Variants in COX7B2 observed in about 807,000 individuals in gnomAD.
The protein encoded by COX7B2 is cytochrome c oxidase subunit 7B2, mitochondrial.
For missense variants in COX7B2, 109 were observed against 95.9 expected, an observed-to-expected ratio of 1.14 and a Z score of -0.57; for synonymous variants, 37 against 32.1, an observed-to-expected ratio of 1.15 and a Z score of -0.51.
At chr4:46,856,081 T>C (rs1048674332) in intron 1 of COX7B2, among the ~76,000 whole-genome samples, 3 of 151,926 alleles carry the variant, frequency 2.0e-5, no homozygotes, top group Non-Finnish European at 2.9e-5. Flanking sequence ...CCGTCTCTAC[T>C]AGAAATACAA....
chr4:46,803,025 G>T lies in COX7B2; in HGVS notation c.-50+41935C>A, dbSNP rs116832089. ...GATCCTGAATGACTATAAGGAAGTA[G>T]ATTCCATAAACCTCCTTAGCAACCA... On this transcript the variant is annotated intron_variant, in intron 2 of 2. Transcript: ENST00000355591. 1.9e-3 allele frequency among the ~76,000 whole-genome samples: 282 copies of T among 152,274 alleles called. 6 individuals carry two copies. The highest frequency in any genetic ancestry group is 6.5e-3 in the African/African-American group (271 of 41,576).
chr4:46,891,659 A>C (rs1162107822), intron 1 of COX7B2, among the ~76,000 whole-genome samples: 1 of 152,198 alleles, frequency 6.6e-6, no homozygotes, highest in African/African-American at 2.4e-5. Context: ...CAGTGAATTC[A>C]GTGTCATCCC....
chr4:46,735,018 T>C lies in COX7B2; in HGVS notation c.175A>G (p.Thr59Ala). 1.2e-6 allele frequency: 2 copies of C among 1,614,062 alleles called. No individual in the cohort carries two copies. The highest frequency in any genetic ancestry group is 8.5e-7 in the Non-Finnish European group (1 of 1,179,958). The change falls in exon 3 of 3, where the codon ACT (threonine) becomes GCT (alanine). Residue 59 changes from threonine to alanine, a missense_variant. Transcript: ENST00000355591. ...AGGTTCCATTCTATTCCAATCTGAG[T>C]GGCTGTAAACACCCATGTAGCAACA... ...FCVATWVFTA[T>A]QIGIEWNLSP...
chr4:46,773,242 C>A (rs1716976378), intron 2 of COX7B2, among the ~76,000 whole-genome samples: 1 of 151,980 alleles, frequency 6.6e-6, no homozygotes, highest in South Asian at 2.1e-4. Context: ...TCCCATAATC[C>A]CCACATGTCA....
chr4:46,806,518 T>C (rs1719003015), intron 2 of COX7B2, among the ~76,000 whole-genome samples: 1 of 152,082 alleles, frequency 6.6e-6, no homozygotes. Flanking sequence ...CCATTTCATA[T>C]AGTTACTCAA....
At chr4:46,858,326 C>A (rs1483545995) in intron 1 of COX7B2, among the ~76,000 whole-genome samples, 1 of 152,074 alleles carries the variant, frequency 6.6e-6, no homozygotes, top group Non-Finnish European at 1.5e-5. Context: ...AAACTCCTTC[C>A]CTCAAGTGAT....
At chr4:46,838,390 A>C (rs1247456653) in intron 2 of COX7B2, among the ~76,000 whole-genome samples, 1 of 152,094 alleles carries the variant, frequency 6.6e-6, no homozygotes, top group African/African-American at 2.4e-5. Context: ...AATCACTCTC[A>C]GTAAAATTAG....
At chr4:46,906,332 T>C (rs1415652442) in intron 1 of COX7B2, among the ~76,000 whole-genome samples, 1 of 152,162 alleles carries the variant, frequency 6.6e-6, no homozygotes, top group Non-Finnish European at 1.5e-5. Flanking sequence ...AGAGAACTAA[T>C]TCCTTTTCCA....
intron 1 of COX7B2, chr4:46,876,723 A>T (rs1718365552): frequency 6.6e-6 from 1 of 152,134 alleles, no homozygotes; most frequent in Non-Finnish European, 1.5e-5. Flanking sequence ...TTGTCTTAAG[A>T]AAGCTTTTCA....
At chr4:46,735,910 A>G (rs1714334535) in intron 2 of COX7B2, among the ~76,000 whole-genome samples, 1 of 152,144 alleles carries the variant, frequency 6.6e-6, no homozygotes, top group Admixed American at 6.5e-5. Context: ...AGCAGAAGAC[A>G]TTGAGAGTTC....
chr4:46,895,032 G>A (rs575765914), intron 1 of COX7B2, among the ~76,000 whole-genome samples: 17 of 152,242 alleles, frequency 1.1e-4, no homozygotes, highest in African/African-American at 3.4e-4. Context: ...CCAAGCAACC[G>A]TTGGTGGTGG....
intron 2 of COX7B2, among the ~76,000 whole-genome samples, chr4:46,833,060 G>A (rs997014996): frequency 6.6e-6 from 1 of 151,910 alleles, no homozygotes; most frequent in Non-Finnish European, 1.5e-5. Context: ...CATGTACCAC[G>A]GTGCCCGGCT....
intron 2 of COX7B2, among the ~76,000 whole-genome samples, chr4:46,823,064 AAGGGCCTACAGATAT>A (rs1308147877): frequency 1.3e-5 from 2 of 152,064 alleles, no homozygotes; most frequent in African/African-American, 4.8e-5. Context: ...TGAATCCCCC[AAGGGCCTACAGATAT>A]AGGTGTGTTC....
At chr4:46,846,679 G>A (rs1332778269) in intron 1 of COX7B2, among the ~76,000 whole-genome samples, 5 of 152,000 alleles carry the variant, frequency 3.3e-5, no homozygotes, top group African/African-American at 1.2e-4. Context: ...AGTAGTAGAA[G>A]AGGCTAGAGA....
intron 2 of COX7B2, among the ~76,000 whole-genome samples, chr4:46,803,851 T>C (rs965520284): frequency 3.3e-5 from 5 of 152,046 alleles, no homozygotes; most frequent in African/African-American, 1.2e-4. Flanking sequence ...AATGAAGCTT[T>C]CTAGAGCAAT....
chr4:46,757,438 C>T (rs1487754029), intron 2 of COX7B2, among the ~76,000 whole-genome samples: 1 of 152,082 alleles, frequency 6.6e-6, no homozygotes, highest in Admixed American at 6.6e-5. Flanking sequence ...GAAACCTGCA[C>T]TTGTACCCCT....
rs532152098 is a variant in COX7B2 at position 46,782,726 on chromosome 4, G to A, written c.-49-47485C>T. Among the ~76,000 whole-genome samples the A allele has an allele frequency of 1.2e-3, 183 of 152,288 alleles. 1 individual carries two copies. The highest frequency in any genetic ancestry group is 4.1e-3 in the African/African-American group (172 of 41,546). On this transcript the variant is annotated intron_variant, in intron 2 of 2. Transcript: ENST00000355591. ...TCACTCCTGAAGCCAGCAAGACCAA[G>A]AACCCACCAGAATGAACAAACAACT... is the stretch of plus-strand genomic sequence containing the variant.
intron 2 of COX7B2, among the ~76,000 whole-genome samples, chr4:46,754,168 A>T (rs1247614685): frequency 2.6e-5 from 4 of 152,084 alleles, no homozygotes; most frequent in Non-Finnish European, 4.4e-5. Flanking sequence ...TTTTTCAGGG[A>T]TCTAGAACTA....
Position 46,875,141 on chromosome 4 carries a change from T to A in COX7B2, c.-104-30127A>T, listed in dbSNP as rs1718243152. 2.0e-5 allele frequency among the ~76,000 whole-genome samples: 3 copies of A among 152,222 alleles called. No homozygotes were observed. The South Asian group carries it at 6.2e-4, about 32-fold the overall frequency. ...CTGCACAAGTATGTGTTTCTAACCT[T>A]TCACTACCAGTTCTTTGTAATTTTT... On this transcript the variant is annotated intron_variant, in intron 1 of 2. Transcript: ENST00000355591.
Sources: gnomAD v4.1 joint callset for allele counts (sites outside exome capture counted in the v4.1 genomes callset) on GRCh38, gnomAD v4.1.1 for gene constraint, MANE v1.5 for transcripts, NCBI Gene and HGNC (gene_info 2026-07-23, HGNC 2026-07-21) for gene names.